Variants in RPS6KC1 observed in about 807,000 individuals in gnomAD.
RPS6KC1 encodes ribosomal protein S6 kinase C1.
A neutral mutation model predicts 103.8 loss-of-function variants in RPS6KC1; 54 were observed. The ratio of observed to expected loss-of-function variants is 0.52; its 90% confidence interval spans 0.42 to 0.65. The LOEUF is 0.65. Ranked by LOEUF, RPS6KC1 falls within the 30% of genes least tolerant of loss-of-function variation. The probability of loss-of-function intolerance (pLI) is 0.00; values close to 1 mark genes in which losing one functional copy is unlikely to be tolerated. For missense variants in RPS6KC1, 1,151 were observed against 1,253.8 expected (o/e 0.92, Z 1.24); for synonymous variants, 439 against 438.7 (o/e 1.00, Z -0.01).
intron 12 of RPS6KC1, 98 bp from the exon 13 acceptor site, chr1:213,261,460 C>T (rs554950403): frequency 2.9e-6 from 3 of 1,052,068 alleles, no homozygotes; most frequent in South Asian, 1.3e-5. Flanking sequence ...AGTATATGCT[C>T]TCTCAGCATT....
intron 5 of RPS6KC1, among the ~76,000 whole-genome samples, chr1:213,127,964 C>T (rs1182113721): frequency 1.3e-5 from 2 of 152,122 alleles, no homozygotes; most frequent in African/African-American, 4.8e-5. Flanking sequence ...TTGAATGTAA[C>T]AGAAACAGAA....
chr1:213,466,450 C>T, the RPS6KC1 span, among the ~76,000 whole-genome samples: 1 of 152,060 alleles, frequency 6.6e-6, no homozygotes, highest in South Asian at 2.1e-4. Context: ...TAGGTGTGGC[C>T]AGGAATGAAA....
chr1:213,109,512 A>ATT (rs1346243538), intron 4 of RPS6KC1, among the ~76,000 whole-genome samples: 1 of 152,014 alleles, frequency 6.6e-6, no homozygotes, highest in Non-Finnish European at 1.5e-5. Flanking sequence ...CCTTAAATTT[A>ATT]TTTGTAAGCA....
At chr1:213,157,878 T>C (rs1440026155) in intron 6 of RPS6KC1, among the ~76,000 whole-genome samples, 3 of 152,240 alleles carry the variant, frequency 2.0e-5, no homozygotes, top group Non-Finnish European at 2.9e-5. Context: ...TTTATAGTTA[T>C]AGTTTCCTGA....
the RPS6KC1 span, among the ~76,000 whole-genome samples, chr1:213,666,206 A>G: frequency 8.8e-4 from 134 of 152,300 alleles, 1 homozygote; most frequent in East Asian, 2.1e-3. Flanking sequence ...TACTGAATGA[A>G]GCATTTCCAT....
chr1:213,633,746 T>G, the RPS6KC1 span, among the ~76,000 whole-genome samples: 9 of 151,320 alleles, frequency 5.9e-5, no homozygotes, highest in African/African-American at 1.9e-4. Context: ...AAAAGACACA[T>G]ACTGGCAAAT....
chr1:213,288,721 C>T, the RPS6KC1 span, among the ~76,000 whole-genome samples: 2 of 152,170 alleles, frequency 1.3e-5, no homozygotes. Context: ...CAGGACTGAA[C>T]TATACCTGAA....
At chr1:213,748,957 G>A in the RPS6KC1 span, among the ~76,000 whole-genome samples, 175 of 152,276 alleles carry the variant, frequency 1.1e-3, no homozygotes, top group African/African-American at 3.9e-3. Flanking sequence ...CAGACCCTCC[G>A]CAGTGTTGGC....
the RPS6KC1 span, among the ~76,000 whole-genome samples, chr1:213,620,820 C>G: frequency 1.3e-5 from 2 of 152,130 alleles, no homozygotes; most frequent in Non-Finnish European, 1.5e-5. Context: ...TCCACCATAC[C>G]TAACCACTGT....
the RPS6KC1 span, among the ~76,000 whole-genome samples, chr1:213,575,742 G>A: frequency 0.097 from 14,732 of 152,062 alleles, 817 homozygotes; most frequent in Non-Finnish European, 0.12. Flanking sequence ...AATGACATGC[G>A]GACTGGCTGA....
At chr1:213,658,987 T>G in the RPS6KC1 span, among the ~76,000 whole-genome samples, 1 of 151,934 alleles carries the variant, frequency 6.6e-6, no homozygotes, top group African/African-American at 2.4e-5. Flanking sequence ...TTTTTTGAGA[T>G]GGAGTCTCCC....
the RPS6KC1 span, among the ~76,000 whole-genome samples, chr1:213,776,050 A>G: frequency 6.6e-6 from 1 of 152,124 alleles, no homozygotes; most frequent in South Asian, 2.1e-4. Context: ...TCCACTTCTA[A>G]TTGTATTTCT....
At chr1:213,540,044 T>C in the RPS6KC1 span, among the ~76,000 whole-genome samples, 1 of 152,080 alleles carries the variant, frequency 6.6e-6, no homozygotes, top group South Asian at 2.1e-4. Context: ...CTGGAGGGTC[T>C]TGCCTCAGTA....
the RPS6KC1 span, among the ~76,000 whole-genome samples, chr1:213,287,239 TGTGTGTGTG>T: frequency 1.1e-3 from 1 of 886 alleles, no homozygotes; most frequent in Non-Finnish European, 8.8e-3. Context: ...ACAATGTGTG[TGTGTGTGTG>T]TGTGTGTGTG....
chr1:213,831,073 AAAGTT>A, the RPS6KC1 span, among the ~76,000 whole-genome samples: 1 of 152,140 alleles, frequency 6.6e-6, no homozygotes, highest in East Asian at 1.9e-4. Flanking sequence ...AGCCTCAGAG[AAAGTT>A]AAGATTCTTC....
chr1:213,251,184 A>G lies in RPS6KC1; in HGVS notation c.2911+8526A>G, dbSNP rs1354762291. Among the ~76,000 whole-genome samples, 6 of 135,036 alleles carry G rather than the reference A, an allele frequency of 4.4e-5. No individual in the cohort carries two copies. The Admixed American group carries it at 5.4e-4, about 12-fold the overall frequency. The allele number at this position is 135,036 out of a possible 152,430, so 88.6% of individuals were successfully genotyped here. A position where few individuals can be genotyped will look rare whatever the true frequency, so the allele number is the denominator to read the frequency against. On this transcript the variant is annotated intron_variant, in intron 12 of 14. Transcript: ENST00000366960. ...TGCAGTGGTGTGATCTGGGCTCACT[A>G]TAACCTCCACCTCCTGGGTTCAAGC...
intron 5 of RPS6KC1, among the ~76,000 whole-genome samples, chr1:213,119,951 C>T (rs1310517206): frequency 3.3e-5 from 5 of 152,086 alleles, no homozygotes; most frequent in Admixed American, 1.3e-4. Context: ...ATACCAAGAC[C>T]ACAAACATGA....
the RPS6KC1 span, among the ~76,000 whole-genome samples, chr1:213,630,916 T>C: frequency 2.0e-5 from 3 of 152,216 alleles, no homozygotes; most frequent in Admixed American, 6.5e-5. Context: ...CAAATGTTGC[T>C]GTCTGATTGT....
At chr1:213,301,440 T>C in the RPS6KC1 span, among the ~76,000 whole-genome samples, 1 of 152,230 alleles carries the variant, frequency 6.6e-6, no homozygotes, top group African/African-American at 2.4e-5. Context: ...GCAACTAGTA[T>C]ATGCCAAGCA....
Sources: allele counts gnomAD v4.1 joint callset (sites outside exome capture counted in the v4.1 genomes callset), GRCh38; gene constraint gnomAD v4.1.1; transcripts MANE v1.5; gene names NCBI Gene and HGNC (gene_info 2026-07-23, HGNC 2026-07-21).